The following CFAP46 variants were observed in gnomAD, a reference collection of about 807,000 sequenced individuals.
CFAP46 encodes cilia and flagella associated protein 46.
CFAP46 carries 245 observed loss-of-function variants against 325.7 expected under a neutral mutation model. That is an observed-to-expected ratio of 0.75 (90% CI 0.68 to 0.84). The LOEUF (loss-of-function observed/expected upper bound fraction) is 0.84, where lower values mean the gene tolerates loss of function less well. Ranked by LOEUF, CFAP46 falls within the 40% of genes least tolerant of loss-of-function variation. The pLI is 0.00. For missense variants in CFAP46, 3,346 were observed against 3,543.0 expected (o/e 0.94, Z 1.41); for synonymous variants, 1,523 against 1,495.9 (o/e 1.02, Z -0.42).
Position 132,878,111 on chromosome 10 carries a change from T to G in CFAP46, c.4006-24A>C, listed in dbSNP as rs192067491. ...ACCTGGTGGGGATGAAATCCACATT[T>G]GCAGCACTGAAAACCCACCCACCGC... is the stretch of plus-strand genomic sequence containing the variant. On this transcript the variant is annotated intron_variant, in intron 29 of 57. Coordinates refer to ENST00000368586, the MANE Select transcript of CFAP46 (RefSeq NM_001200049.3). 2.5e-4 allele frequency: 389 copies of G among 1,549,310 alleles called. No homozygotes were observed. In the African/African-American group the frequency reaches 4.8e-3, roughly 19 times the overall value.
In CFAP46 at chr10:132,876,927, T is replaced by C. The variant is rs1848965214; in HGVS notation, c.4247A>G (p.Asp1416Gly). Reference sequence around the variant, plus strand: ...CCACTCTTCTATGCTCATGGGTAAGTCTTCCAGTTGTTTGATAGGAGCTGG... The same window carrying C: ...CCACTCTTCTATGCTCATGGGTAAGCCTTCCAGTTGTTTGATAGGAGCTGG... ...QSPAPIKQLE[D>G]LPMSIEEWAS... The change falls in exon 31 of 58, where the codon GAC (aspartate) becomes GGC (glycine). Residue 1416 changes from aspartate (D) to glycine (G), a missense_variant. Physicochemically the swap from Asp to Gly is moderately conservative, Grantham distance 94. Coordinates refer to ENST00000368586, the MANE Select transcript of CFAP46 (RefSeq NM_001200049.3). The surrounding 1 kb of genome is among the most constrained non-coding windows in gnomAD (Gnocchi z 4.1). 6.5e-7 allele frequency: 1 copy of C among 1,550,380 alleles called. No individual in the cohort carries two copies. The highest frequency in any genetic ancestry group is 1.4e-5 in the African/African-American group (1 of 73,026).
At position 132,912,742 on chromosome 10, in the gene CFAP46, G is replaced by C. The variant is rs896777947; in HGVS notation, c.2412C>G (p.Ala804=). 2.6e-5 allele frequency: 41 copies of C among 1,550,108 alleles called. No homozygotes were observed. Among genetic ancestry groups the C allele is most frequent in the Non-Finnish European group, 3.6e-5 (41 of 1,146,990 alleles). ...GTCGCATGAATTTCCTGGACTTCTCGGCAGCCTGGACTGGAATCCAGCTGA... is the reference window on the plus strand; with the variant it reads ...GTCGCATGAATTTCCTGGACTTCTCCGCAGCCTGGACTGGAATCCAGCTGA... The part of the protein sequence containing the change: ...LIISWIPVQA[A]EKSRKFMRPN... Residue 804 remains alanine (A), a synonymous_variant, in exon 19 of 58, where the codon GCC becomes GCG. Transcript: ENST00000368586.
chr10:132,812,780 C>T lies in CFAP46; in HGVS notation c.7501+5G>A, dbSNP rs1050779675. On this transcript the variant is annotated splice_donor_5th_base_variant and intron_variant, in intron 55 of 57. Transcript: ENST00000368586. ...GGGAGGGGGTGCTGAGAGGACACCT[C>T]TCACCTTGCAAGTTCATGGCGACCA... 1.9e-6 allele frequency: 3 copies of T among 1,608,084 alleles called. No homozygotes were observed.
chr10:132,913,312 A>G (rs1849583501), intron 17 of CFAP46, 54 bp from the exon 18 acceptor site: 5 of 1,269,986 alleles, frequency 3.9e-6, no homozygotes. Context: ...CCCCGGGGCC[A>G]GGCACCAGGA....
chr10:132,820,117 C>G (rs1043421631), intron 50 of CFAP46, among the ~76,000 whole-genome samples: 1 of 152,220 alleles, frequency 6.6e-6, no homozygotes, highest in Admixed American at 6.5e-5. Context: ...ATAAAAATGG[C>G]TAACAGGTTG....
intron 10 of CFAP46, among the ~76,000 whole-genome samples, chr10:132,925,545 G>C (rs556678260): frequency 6.6e-6 from 1 of 152,280 alleles, no homozygotes; most frequent in Admixed American, 6.5e-5. Context: ...CAGCGCCACA[G>C]CCACAAGCAG....
rs199832590 is a variant in CFAP46 at position 132,814,659 on chromosome 10, G to GC, written c.7249+26dup. The GC allele has an allele frequency of 1.3e-3, 2,130 of 1,583,164 alleles. 12 individuals carry two copies. In the East Asian group the frequency reaches 0.017, roughly 12 times the overall value. On this transcript the variant is annotated intron_variant, in intron 52 of 57. Coordinates refer to ENST00000368586, the MANE Select transcript of CFAP46 (RefSeq NM_001200049.3). ...ACGGGAGCACAGGGCGGGGTCTGGG[G>GC]CCCCCCCGGGGCCCATCAAAGGATA... is the stretch of plus-strand genomic sequence containing the variant.
chr10:132,907,300 A>T (rs935795278), intron 22 of CFAP46, among the ~76,000 whole-genome samples: 3 of 152,260 alleles, frequency 2.0e-5, no homozygotes, highest in African/African-American at 7.2e-5. Context: ...TACAATAGCA[A>T]CAGATGGAAA....
chr10:132,921,962 C>G, intron 13 of CFAP46, 142 bp downstream of exon 13: 1 of 1,107,140 alleles, frequency 9.0e-7, no homozygotes, highest in Non-Finnish European at 1.3e-6. Context: ...GGGCCGAGAT[C>G]GAAGGACACT....
chr10:132,923,205 T>TG (rs574953840), intron 11 of CFAP46, among the ~76,000 whole-genome samples: 25 of 150,538 alleles, frequency 1.7e-4, no homozygotes, highest in African/African-American at 6.1e-4. Context: ...AGCAGCCATG[T>TG]GGGGGTGCCC....
chr10:132,827,667 A>G lies in CFAP46; in HGVS notation c.7117+5691T>C, dbSNP rs922065958. Reference sequence around the variant, plus strand: ...GTGACGGGACTGGACGCTGCACGCCAGCAAGTCATCGCCACAGCGAAGGTC... The same window carrying G: ...GTGACGGGACTGGACGCTGCACGCCGGCAAGTCATCGCCACAGCGAAGGTC... On this transcript the variant is annotated intron_variant, in intron 50 of 57. Coordinates refer to ENST00000368586, the MANE Select transcript of CFAP46 (RefSeq NM_001200049.3). The surrounding 1 kb of genome is among the most constrained non-coding windows in gnomAD (Gnocchi z 5.7). Among the ~76,000 whole-genome samples, 32 of 152,058 alleles carry G rather than the reference A, an allele frequency of 2.1e-4. No individual in the cohort carries two copies.
At chr10:132,915,735 C>T (rs965095906) in intron 17 of CFAP46, among the ~76,000 whole-genome samples, 3 of 152,210 alleles carry the variant, frequency 2.0e-5, no homozygotes, top group Non-Finnish European at 2.9e-5. Context: ...GATAAGTTCC[C>T]GTGTCCTATG....
rs142033285 is a variant in CFAP46 at position 132,899,108 on chromosome 10, C to T, written c.3070G>A (p.Ala1024Thr). The part of the protein sequence containing the change: ...FTESARFGGI[A>T]GSSALVMLAA... ...AGCATCACCAGGGCGCTGCTGCCCG[C>T]GATGCCTCCGAACCTAAAAGAGGGC... Residue 1024 changes from alanine to threonine, a missense_variant, in exon 24 of 58, where the codon GCG becomes ACG. Transcript: ENST00000368586. 209 of 1,549,580 alleles carry T rather than the reference C, an allele frequency of 1.3e-4. No individual in the cohort carries two copies. In the African/African-American group the frequency reaches 2.3e-3, roughly 17 times the overall value.
chr10:132,922,844 G>T, intron 11 of CFAP46, 136 bp from the exon 12 acceptor site: 1 of 692,128 alleles, frequency 1.4e-6, no homozygotes, highest in Non-Finnish European at 2.4e-6. Context: ...CTGGCTTTCT[G>T]CCATCCTTCC....
Position 132,860,981 on chromosome 10 carries a change from T to A in CFAP46, c.4892A>T (p.Glu1631Val). 1.3e-6 allele frequency: 2 copies of A among 1,550,530 alleles called. No individual in the cohort carries two copies. Among genetic ancestry groups the A allele is most frequent in the Non-Finnish European group, 1.7e-6 (2 of 1,147,010 alleles). ...GGCCTCTGCACAAGGCTCATCCAGC[T>A]CCTGAAGGAGAGAAACTCAGACATG... Reference protein sequence around the residue: ...LLSEAYLAFQELDEPCAEAQC... With the variant: ...LLSEAYLAFQVLDEPCAEAQC... Residue 1631 changes from glutamate (E) to valine (V), a missense_variant and splice_region_variant, in exon 36 of 58, where the codon GAG becomes GTG. By Grantham distance (121) the Glu-to-Val change is moderately radical. Transcript: ENST00000368586.
chr10:132,911,847 A>T (rs1849545013), intron 19 of CFAP46, among the ~76,000 whole-genome samples: 1 of 147,398 alleles, frequency 6.8e-6, no homozygotes, highest in African/African-American at 2.5e-5. Context: ...TTCTATTTCC[A>T]CTCTCCTCTA....
chr10:132,932,401 C>T (rs1036530616), intron 8 of CFAP46, among the ~76,000 whole-genome samples: 2 of 149,586 alleles, frequency 1.3e-5, no homozygotes, highest in African/African-American at 5.0e-5. Context: ...CTTCCTCCTC[C>T]ACACACAGAG....
chr10:132,880,139 GT>G (rs1292163745), intron 28 of CFAP46, among the ~76,000 whole-genome samples: 1 of 150,524 alleles, frequency 6.6e-6, no homozygotes, highest in Non-Finnish European at 1.5e-5. Context: ...TGTGTGTGGA[GT>G]GGCCACCCTA....
intron 46 of CFAP46, 65 bp downstream of exon 46, chr10:132,836,077 T>C: frequency 1.2e-6 from 1 of 862,156 alleles, no homozygotes; most frequent in Non-Finnish European, 1.6e-6. Context: ...CCTGCTCACC[T>C]CCCCACTCTC....
Sources: allele counts gnomAD v4.1 joint callset (sites outside exome capture counted in the v4.1 genomes callset), GRCh38; gene constraint gnomAD v4.1.1; non-coding constraint Gnocchi (gnomAD v3.1); transcripts MANE v1.5; gene names NCBI Gene and HGNC (gene_info 2026-07-23, HGNC 2026-07-21).